Variants in RPS6KC1 observed in about 807,000 individuals in gnomAD.
The protein encoded by RPS6KC1 is ribosomal protein S6 kinase C1.
RPS6KC1 carries 54 observed loss-of-function variants against 103.8 expected under a neutral mutation model. The ratio of observed to expected loss-of-function variants is 0.52; its 90% CI spans 0.42 to 0.65. The LOEUF is 0.65. Ranked by LOEUF, RPS6KC1 falls within the 30% of genes least tolerant of loss-of-function variation. RPS6KC1 has a pLI of 0.00. For synonymous variants in RPS6KC1, 439 were observed against 438.7 expected, an observed-to-expected ratio of 1.00 and a Z score of -0.01; for missense variants, 1,151 against 1,253.8, an observed-to-expected ratio of 0.92 and a Z score of 1.24.
At chr1:213,539,024 C>T in the RPS6KC1 span, among the ~76,000 whole-genome samples, 6 of 152,254 alleles carry the variant, frequency 3.9e-5, no homozygotes, top group African/African-American at 1.2e-4. Flanking sequence ...AGGACACAGC[C>T]GTTGGCTCTT....
the RPS6KC1 span, among the ~76,000 whole-genome samples, chr1:213,675,059 T>C: frequency 1.3e-5 from 2 of 152,192 alleles, no homozygotes; most frequent in Non-Finnish European, 2.9e-5. Context: ...GTTGCATTGT[T>C]TGCAAATATT....
the RPS6KC1 span, among the ~76,000 whole-genome samples, chr1:213,823,066 TC>T: frequency 6.6e-6 from 1 of 152,178 alleles, no homozygotes; most frequent in East Asian, 1.9e-4. Flanking sequence ...AATATTCATC[TC>T]CTTTGCCTGC....
At chr1:213,721,963 T>C in the RPS6KC1 span, among the ~76,000 whole-genome samples, 1 of 152,152 alleles carries the variant, frequency 6.6e-6, no homozygotes, top group Non-Finnish European at 1.5e-5. Context: ...CTTCCATTAC[T>C]TCATTAGCTT....
At chr1:213,724,799 A>G in the RPS6KC1 span, among the ~76,000 whole-genome samples, 4 of 152,234 alleles carry the variant, frequency 2.6e-5, no homozygotes, top group Non-Finnish European at 2.9e-5. Context: ...ACTAACAAGT[A>G]CTTACATTTG....
the RPS6KC1 span, among the ~76,000 whole-genome samples, chr1:213,363,141 C>T: frequency 6.6e-6 from 1 of 152,270 alleles, no homozygotes; most frequent in Non-Finnish European, 1.5e-5. Flanking sequence ...CATTTCTTGG[C>T]CTCATCTACC....
rs190737770 is a variant in RPS6KC1 at position 213,101,885 on chromosome 1, C to G, written c.263-2569C>G. Among the ~76,000 whole-genome samples the G allele has an allele frequency of 2.6e-5, 4 of 152,088 alleles. No individual in the cohort carries two copies. In the East Asian group the frequency reaches 7.7e-4, roughly 29 times the overall value. ...AAATAAGGAATAATGAGCATTTAAT[C>G]TAGTTGGCCAGTAGATTTTTTCCTA... On this transcript the variant is annotated intron_variant, in intron 3 of 14. Coordinates refer to ENST00000366960, the MANE Select transcript of RPS6KC1 (RefSeq NM_012424.6).
the RPS6KC1 span, among the ~76,000 whole-genome samples, chr1:213,609,901 T>C: frequency 2.6e-5 from 4 of 152,008 alleles, no homozygotes; most frequent in African/African-American, 9.6e-5. Context: ...ACCTTTCAGA[T>C]GCTTTTCTAC....
chr1:213,176,002 C>G (rs2091838498), intron 7 of RPS6KC1, among the ~76,000 whole-genome samples: 1 of 152,134 alleles, frequency 6.6e-6, no homozygotes. Flanking sequence ...TTAGTTCCCC[C>G]ACTTCCAAAT....
At chr1:213,220,668 A>G (rs865885369) in intron 8 of RPS6KC1, among the ~76,000 whole-genome samples, 1 of 152,228 alleles carries the variant, frequency 6.6e-6, no homozygotes, top group African/African-American at 2.4e-5. Flanking sequence ...ATGCTTTTGT[A>G]TAATTTTCTA....
the RPS6KC1 span, among the ~76,000 whole-genome samples, chr1:213,290,098 T>C: frequency 7.0e-6 from 1 of 143,034 alleles, no homozygotes; most frequent in African/African-American, 2.7e-5. Context: ...TGAGCCGAGA[T>C]TGCGCCACTG....
At chr1:213,814,226 T>C in the RPS6KC1 span, among the ~76,000 whole-genome samples, 1 of 152,244 alleles carries the variant, frequency 6.6e-6, no homozygotes, top group Non-Finnish European at 1.5e-5. Context: ...CTGCCTTCCG[T>C]GTCTACAACT....
rs1160270458 is a variant in RPS6KC1, at chr1:213,272,756, T to C, written c.*122T>C. On this transcript the variant is annotated 3_prime_UTR_variant, in exon 15 of 15. Transcript: ENST00000366960. ...CAAAGCATTTGGATAAAGACCGTTA[T>C]AGGAAATGGGGGGGAAATGGCTAAA... is the stretch of plus-strand genomic sequence containing the variant. 1 of 679,984 alleles carries C rather than the reference T, an allele frequency of 1.5e-6. No homozygotes were observed. Among genetic ancestry groups the C allele is most frequent in the African/African-American group, 1.8e-5 (1 of 55,712 alleles). The allele number at this position is 679,984 out of a possible 1,614,324, so 42.1% of individuals were successfully genotyped here.
the RPS6KC1 span, among the ~76,000 whole-genome samples, chr1:213,363,615 TTGCTTGCTTGC>T: frequency 1.2e-5 from 1 of 85,360 alleles, no homozygotes; most frequent in South Asian, 4.9e-4. Context: ...GCTTGCTTGC[TTGCTTGCTTGC>T]TTTCTTTCTT....
chr1:213,801,983 A>G, the RPS6KC1 span, among the ~76,000 whole-genome samples: 2 of 152,220 alleles, frequency 1.3e-5, no homozygotes, highest in East Asian at 1.9e-4. Context: ...TCAGTTTCCA[A>G]AAAAGGACAA....
rs1195998460 is a variant in RPS6KC1, at chr1:213,051,298, C to G, written c.-107C>G. 2 of 775,558 alleles carry G rather than the reference C, an allele frequency of 2.6e-6. No homozygotes were observed. Among genetic ancestry groups the G allele is most frequent in the Non-Finnish European group, 4.3e-6 (2 of 467,462 alleles). 48.0% of individuals were successfully genotyped at this position (775,558 alleles called of 1,614,324 possible). ...CGCCGTGGAGCCGCCTTGGAGCCAC[C>G]GCCCCCTCGCCGCTTCGCCGCTGCG... On this transcript the variant is annotated 5_prime_UTR_variant, in exon 1 of 15. Coordinates refer to ENST00000366960, the MANE Select transcript of RPS6KC1 (RefSeq NM_012424.6).
chr1:213,728,773 G>A, the RPS6KC1 span, among the ~76,000 whole-genome samples: 7 of 152,004 alleles, frequency 4.6e-5, no homozygotes, highest in Non-Finnish European at 1.0e-4. Context: ...ATCTAGATGT[G>A]TCACTCCTCC....
At chr1:213,584,638 G>T in the RPS6KC1 span, among the ~76,000 whole-genome samples, 1 of 152,242 alleles carries the variant, frequency 6.6e-6, no homozygotes, top group African/African-American at 2.4e-5. Flanking sequence ...TTTATGTTAG[G>T]AAAAGAGAGA....
chr1:213,419,650 A>G, the RPS6KC1 span, among the ~76,000 whole-genome samples: 5 of 152,202 alleles, frequency 3.3e-5, no homozygotes, highest in Admixed American at 6.5e-5. Context: ...AAGATGCCCT[A>G]CTCAGGGGTC....
intron 1 of RPS6KC1, among the ~76,000 whole-genome samples, chr1:213,060,715 G>A (rs1221276188): frequency 6.6e-6 from 1 of 152,170 alleles, no homozygotes; most frequent in Non-Finnish European, 1.5e-5. Context: ...TTGGAAAATA[G>A]TTTAGAATAC....
Sources: gnomAD v4.1 joint callset for allele counts (sites outside exome capture counted in the v4.1 genomes callset) on GRCh38, gnomAD v4.1.1 for gene constraint, MANE v1.5 for transcripts, NCBI Gene and HGNC (gene_info 2026-07-23, HGNC 2026-07-21) for gene names.